RBFOX1: variants seen among roughly 807,000 people sequenced by gnomAD.
RBFOX1 encodes RNA binding protein fox-1 homolog 1.
Under a neutral mutation model 57.7 loss-of-function variants are expected in RBFOX1, and 8 were observed. The ratio of observed to expected loss-of-function variants is 0.14; its 90% confidence interval spans 0.08 to 0.25. The LOEUF (loss-of-function observed/expected upper bound fraction) is 0.25, where lower values mean the gene tolerates loss of function less well. RBFOX1 is among the 10% of genes least tolerant of loss of function. The pLI is 1.00. For missense variants in RBFOX1, 611 were observed against 548.5 expected, an observed-to-expected ratio of 1.11 and a Z score of -1.14; for synonymous variants, 326 against 222.4, an observed-to-expected ratio of 1.47 and a Z score of -4.15.
intron 4 of RBFOX1, among the ~76,000 whole-genome samples, chr16:7,221,406 G>A (rs552957287): frequency 1.4e-4 from 21 of 149,060 alleles, no homozygotes; most frequent in South Asian, 2.1e-4. Context: ...TTGCTCTGTC[G>A]TCCAGGATAG....
At chr16:5,588,125 G>C (rs1291712349) in intron 2 of RBFOX1, among the ~76,000 whole-genome samples, 1 of 152,156 alleles carries the variant, frequency 6.6e-6, no homozygotes, top group African/African-American at 2.4e-5. Flanking sequence ...CATAGATTGT[G>C]TGAATTCATT....
At chr16:6,926,106 G>C (rs1352507640) in intron 3 of RBFOX1, among the ~76,000 whole-genome samples, 1 of 151,938 alleles carries the variant, frequency 6.6e-6, no homozygotes, top group Non-Finnish European at 1.5e-5. Flanking sequence ...AGGAGTTCAA[G>C]ACCAGCCTGG....
intron 2 of RBFOX1, among the ~76,000 whole-genome samples, chr16:6,462,322 A>C (rs1166097346): frequency 2.0e-5 from 3 of 152,158 alleles, no homozygotes; most frequent in Non-Finnish European, 2.9e-5. Context: ...ATCCATGTGC[A>C]TGCTTATGCT....
intron 2 of RBFOX1, among the ~76,000 whole-genome samples, chr16:6,452,087 GCTCCTTCCTTCCAT>G: frequency 7.1e-6 from 1 of 140,126 alleles, no homozygotes; most frequent in Middle Eastern, 5.5e-3. Context: ...TCCATCCATG[GCTCCTTCCTTCCAT>G]GGCTCCATCC....
chr16:6,384,876 T>C (rs1391771822), intron 2 of RBFOX1, among the ~76,000 whole-genome samples: 1 of 152,190 alleles, frequency 6.6e-6, no homozygotes, highest in African/African-American at 2.4e-5. Flanking sequence ...ACGTGTATCC[T>C]TCCCTTAGAA....
intron 3 of RBFOX1, among the ~76,000 whole-genome samples, chr16:5,743,498 T>C (rs965374196): frequency 3.3e-5 from 5 of 152,200 alleles, no homozygotes; most frequent in African/African-American, 1.2e-4. Flanking sequence ...TGGCTACATG[T>C]AGTCACTCAG....
chr16:6,930,786 T>C (rs1261966993), intron 3 of RBFOX1, among the ~76,000 whole-genome samples: 1 of 152,186 alleles, frequency 6.6e-6, no homozygotes, highest in Non-Finnish European at 1.5e-5. Flanking sequence ...CAGAGAGCTA[T>C]ACAGTTTTCT....
intron 4 of RBFOX1, among the ~76,000 whole-genome samples, chr16:7,221,959 G>T (rs2092763534): frequency 6.6e-6 from 1 of 152,102 alleles, no homozygotes; most frequent in South Asian, 2.1e-4. Flanking sequence ...TCTAAGTCTT[G>T]GTCTGCTTCT....
intron 1 of RBFOX1, among the ~76,000 whole-genome samples, chr16:5,445,185 T>TAGACC (rs1440595242): frequency 6.6e-6 from 1 of 152,206 alleles, no homozygotes; most frequent in African/African-American, 2.4e-5. Flanking sequence ...CTTGGTAGCT[T>TAGACC]AGACCAGAGT....
rs896197589 is a variant in RBFOX1 at position 6,541,660 on chromosome 16, G to T, written c.-63-112943G>T. On this transcript the variant is annotated intron_variant, in intron 2 of 15. Transcript: ENST00000550418. Reference sequence around the variant, plus strand: ...GTGACACCTAGGTGGAAATTTAATTGTAGGAAGAGCAAGAATATCAATTCT... The same window carrying T: ...GTGACACCTAGGTGGAAATTTAATTTTAGGAAGAGCAAGAATATCAATTCT... Among the ~76,000 whole-genome samples, 47 of 152,196 alleles carry T rather than the reference G, an allele frequency of 3.1e-4. 1 individual carries two copies. The highest frequency in any genetic ancestry group is 3.1e-3 in the Admixed American group (47 of 15,276).
intron 1 of RBFOX1, among the ~76,000 whole-genome samples, chr16:5,337,875 C>G (rs1012288201): frequency 1.4e-4 from 21 of 152,086 alleles, no homozygotes; most frequent in African/African-American, 4.6e-4. Flanking sequence ...AAGGCCCCAT[C>G]TCTGCAAAAA....
intron 4 of RBFOX1, among the ~76,000 whole-genome samples, chr16:7,317,831 G>C (rs1428147635): frequency 1.3e-5 from 2 of 152,188 alleles, no homozygotes; most frequent in East Asian, 3.9e-4. Flanking sequence ...ACGAAGTAGA[G>C]GTAACAGCAA....
intron 4 of RBFOX1, among the ~76,000 whole-genome samples, chr16:5,919,750 C>G (rs568479232): frequency 1.3e-5 from 2 of 152,186 alleles, no homozygotes; most frequent in Non-Finnish European, 2.9e-5. Flanking sequence ...AAAGGAAACC[C>G]CATACCCGTT....
chr16:7,531,180 A>T (rs774090671), intron 5 of RBFOX1, among the ~76,000 whole-genome samples: 1 of 152,224 alleles, frequency 6.6e-6, no homozygotes, highest in Non-Finnish European at 1.5e-5. Flanking sequence ...CAATCCAAAC[A>T]ATATGGGCTG....
At chr16:6,060,273 T>C (rs557653824) in intron 1 of RBFOX1, among the ~76,000 whole-genome samples, 5 of 152,114 alleles carry the variant, frequency 3.3e-5, no homozygotes, top group African/African-American at 1.2e-4. Context: ...ACAATTTGGC[T>C]CAGAGGATTT....
intron 3 of RBFOX1, among the ~76,000 whole-genome samples, chr16:7,015,317 A>G (rs1227874168): frequency 6.6e-6 from 1 of 152,102 alleles, no homozygotes; most frequent in African/African-American, 2.4e-5. Context: ...GTTCTTCTAG[A>G]CTATGGAGTA....
At chr16:5,526,323 C>G (rs1027221296) in intron 2 of RBFOX1, among the ~76,000 whole-genome samples, 5 of 152,166 alleles carry the variant, frequency 3.3e-5, no homozygotes, top group Non-Finnish European at 7.3e-5. Flanking sequence ...GAGTCTCACT[C>G]TACTGCCCAG....
chr16:7,524,715 T>C (rs2078290695), intron 5 of RBFOX1, among the ~76,000 whole-genome samples: 1 of 152,236 alleles, frequency 6.6e-6, no homozygotes, highest in Non-Finnish European at 1.5e-5. Context: ...CAGGTTCTTC[T>C]TTGGCCTCAG....
At chr16:6,100,509 C>T (rs2096292849) in intron 1 of RBFOX1, among the ~76,000 whole-genome samples, 1 of 152,170 alleles carries the variant, frequency 6.6e-6, no homozygotes, top group Non-Finnish European at 1.5e-5. Flanking sequence ...CCTGAGCTTC[C>T]TCCACACACT....
Sources: gnomAD v4.1 joint callset for allele counts (sites outside exome capture counted in the v4.1 genomes callset) on GRCh38, gnomAD v4.1.1 for gene constraint, MANE v1.5 for transcripts, NCBI Gene and HGNC (gene_info 2026-07-23, HGNC 2026-07-21) for gene names.